Variants in TRPC5 observed in about 807,000 individuals in gnomAD.
TRPC5 encodes the protein short transient receptor potential channel 5.
TRPC5 carries 9 observed loss-of-function variants against 56.5 expected under a neutral mutation model. The ratio of observed to expected loss-of-function variants is 0.16; its 90% CI spans 0.10 to 0.28. TRPC5 has a LOEUF of 0.28. Ranked by LOEUF, TRPC5 falls within the 10% of genes least tolerant of loss-of-function variation. TRPC5 has a pLI of 1.00. For missense variants in TRPC5, 469 were observed against 748.9 expected (o/e 0.63, Z 4.36); for synonymous variants, 282 against 278.5 (o/e 1.01, Z -0.13).
intron 3 of TRPC5, among the ~76,000 whole-genome samples, chrX:111,901,036 G>A (rs1300106741): frequency 9.0e-6 from 1 of 111,352 alleles, no homozygotes; most frequent in Non-Finnish European, 1.9e-5. Context: ...ATGGAAGTGG[G>A]GCAGTAATAG....
rs1945875495 is a variant in TRPC5, at chrX:111,776,112, T to C, written c.*201A>G. On this transcript the variant is annotated 3_prime_UTR_variant, in exon 11 of 11. Coordinates refer to ENST00000262839, the MANE Select transcript of TRPC5 (RefSeq NM_012471.3). ...AGATGGACTTAGTGTGTATAGGTAT[T>C]AAAAAGGCAAATAATAATGAAAGTA... 2.5e-6 allele frequency: 1 copy of C among 392,820 alleles called. No homozygotes were observed. The highest frequency in any genetic ancestry group is 2.5e-5 in the African/African-American group (1 of 39,579). The allele number at this position is 392,820 out of a possible 1,213,427, so 32.4% of individuals were successfully genotyped here.
intron 5 of TRPC5, among the ~76,000 whole-genome samples, chrX:111,850,664 A>G (rs1923059691): frequency 8.9e-6 from 1 of 111,967 alleles, no homozygotes; most frequent in Non-Finnish European, 1.9e-5. Context: ...CTTTGAATAA[A>G]GTGTTTGCCA....
intron 3 of TRPC5, among the ~76,000 whole-genome samples, chrX:111,869,476 C>T (rs1923664870): frequency 8.9e-6 from 1 of 112,213 alleles, no homozygotes; most frequent in East Asian, 2.8e-4. Context: ...CAAAATCAGT[C>T]AACTGGAAGC....
chrX:111,933,450 A>G (rs1308905448), intron 2 of TRPC5, among the ~76,000 whole-genome samples: 1 of 110,933 alleles, frequency 9.0e-6, no homozygotes, highest in Non-Finnish European at 1.9e-5. Context: ...AGACAATAGG[A>G]AACTTTCTAA....
chrX:112,051,687 AGTGTT>A (rs1266721575), intron 1 of TRPC5, among the ~76,000 whole-genome samples: 1 of 112,360 alleles, frequency 8.9e-6, no homozygotes, highest in African/African-American at 3.2e-5. Context: ...ACAGTCCAGT[AGTGTT>A]AAGTACATTT....
At chrX:111,954,247 A>C (rs1180091313) in intron 1 of TRPC5, among the ~76,000 whole-genome samples, 1 of 112,107 alleles carries the variant, frequency 8.9e-6, no homozygotes, top group South Asian at 3.8e-4. Flanking sequence ...GAGGACCAAC[A>C]ACCCAATTAG....
chrX:111,902,018 G>A lies in TRPC5; in HGVS notation c.900+10273C>T, dbSNP rs1358184229. On this transcript the variant is annotated intron_variant, in intron 3 of 10. Coordinates refer to ENST00000262839, the MANE Select transcript of TRPC5 (RefSeq NM_012471.3). ...GACTGAAGCAGATGCACCTCTTCCCGAGGAGCCTTCGCTACCTGATCTCCC... is the reference window on the plus strand; with the variant it reads ...GACTGAAGCAGATGCACCTCTTCCCAAGGAGCCTTCGCTACCTGATCTCCC... 9 of 1,153,683 alleles carry A rather than the reference G, an allele frequency of 7.8e-6. No individual in the cohort carries two copies. The Admixed American group carries it at 1.6e-4, about 20-fold the overall frequency.
rs1455369735 is a variant in TRPC5, at chrX:111,774,962, T to G, written c.*1351A>C. The G allele has an allele frequency of 9.0e-6, 1 of 111,093 alleles. No homozygotes were observed. The highest frequency in any genetic ancestry group is 2.8e-4 in the East Asian group (1 of 3,541). The allele number at this position is 111,093 out of a possible 1,213,427, so 9.2% of individuals were successfully genotyped here. On this transcript the variant is annotated 3_prime_UTR_variant, in exon 11 of 11. Coordinates refer to ENST00000262839, the MANE Select transcript of TRPC5 (RefSeq NM_012471.3). ...GTGCTAATGTTGGTAAAAGCCGTCCTTGCTCAGCAGGTTCTCAGTGGTTAT... is the reference window on the plus strand; with the variant it reads ...GTGCTAATGTTGGTAAAAGCCGTCCGTGCTCAGCAGGTTCTCAGTGGTTAT...
chrX:111,887,293 T>A (rs1332084556), intron 3 of TRPC5, among the ~76,000 whole-genome samples: 1 of 112,660 alleles, frequency 8.9e-6, no homozygotes. Context: ...AATGTTGCTT[T>A]CTTTCTTTCT....
At chrX:111,978,421 G>A (rs1927986393) in intron 1 of TRPC5, among the ~76,000 whole-genome samples, 1 of 111,241 alleles carries the variant, frequency 9.0e-6, no homozygotes, top group Non-Finnish European at 1.9e-5. Flanking sequence ...AGTTGGAGGA[G>A]GGAAGAATTG....
At chrX:111,978,252 TAAAG>T (rs1217496039) in intron 1 of TRPC5, among the ~76,000 whole-genome samples, 1 of 111,756 alleles carries the variant, frequency 8.9e-6, no homozygotes, top group Non-Finnish European at 1.9e-5. Context: ...TATTTAGTCT[TAAAG>T]AAGAAGAAAA....
At chrX:111,933,629 G>A (rs1012451007) in intron 2 of TRPC5, among the ~76,000 whole-genome samples, 1 of 111,414 alleles carries the variant, frequency 9.0e-6, no homozygotes, top group African/African-American at 3.3e-5. Context: ...AATTGCTTTC[G>A]AGGTTATTTC....
rs753090939 is a variant in TRPC5, at chrX:112,077,955, T to C, written c.-22+3924A>G. On this transcript the variant is annotated intron_variant, in intron 1 of 10. Coordinates refer to ENST00000262839, the MANE Select transcript of TRPC5 (RefSeq NM_012471.3). ...GCATGTGTGTGTATTTGCACATGCA[T>C]TTGGGGGGCTGATTCTGAGACTGAG... 6.3e-5 allele frequency among the ~76,000 whole-genome samples: 7 copies of C among 111,059 alleles called. No individual in the cohort carries two copies. In the East Asian group the frequency reaches 1.7e-3, roughly 27 times the overall value.
At chrX:111,944,283 T>G (rs1362124965) in intron 2 of TRPC5, among the ~76,000 whole-genome samples, 1 of 81,353 alleles carries the variant, frequency 1.2e-5, no homozygotes, top group Non-Finnish European at 2.2e-5. Context: ...TGTGTGTGTG[T>G]GTGTGTGTGT....
chrX:111,941,925 T>C (rs1926790181), intron 2 of TRPC5, among the ~76,000 whole-genome samples: 1 of 111,970 alleles, frequency 8.9e-6, no homozygotes, highest in Non-Finnish European at 1.9e-5. Context: ...ACTGCAGGTG[T>C]CAATGGCAGT....
intron 6 of TRPC5, among the ~76,000 whole-genome samples, chrX:111,843,665 A>G (rs1305716239): frequency 9.0e-6 from 1 of 111,441 alleles, no homozygotes; most frequent in Admixed American, 9.6e-5. Context: ...GTAAAGGGGC[A>G]GGATTTTATG....
chrX:111,780,045 C>G (rs1214417883), intron 9 of TRPC5, among the ~76,000 whole-genome samples: 3 of 111,777 alleles, frequency 2.7e-5, no homozygotes, highest in African/African-American at 9.7e-5. Flanking sequence ...TTCTGCTTCT[C>G]TTTGTTAGTT....
intron 1 of TRPC5, among the ~76,000 whole-genome samples, chrX:112,008,714 G>A (rs1928912267): frequency 8.9e-6 from 1 of 111,732 alleles, no homozygotes; most frequent in Admixed American, 9.5e-5. Context: ...CAGAGCATCA[G>A]TTTTTCTAGG....
At chrX:111,789,943 A>G (rs762697656) in intron 7 of TRPC5, among the ~76,000 whole-genome samples, 33 of 112,102 alleles carry the variant, frequency 2.9e-4, no homozygotes, top group African/African-American at 9.7e-4. Context: ...AAATAGGAAC[A>G]CTTTTACACT....
Sources: gnomAD v4.1 joint callset for allele counts (sites outside exome capture counted in the v4.1 genomes callset) on GRCh38, gnomAD v4.1.1 for gene constraint, MANE v1.5 for transcripts, NCBI Gene and HGNC (gene_info 2026-07-23, HGNC 2026-07-21) for gene names.